SPMIP2: variants seen among roughly 807,000 people sequenced by gnomAD.
The protein encoded by SPMIP2 is sperm microtubule inner protein 2, also known as protein SPMIP2.
At chr4:158,918,877 A>T in the SPMIP2 span, among the ~76,000 whole-genome samples, 88 of 152,354 alleles carry the variant, frequency 5.8e-4, no homozygotes, top group African/African-American at 1.9e-3. Context: ...CACACACAAA[A>T]TAGCAGCAAA....
chr4:158,954,763 G>T, the SPMIP2 span, among the ~76,000 whole-genome samples: 1 of 152,188 alleles, frequency 6.6e-6, no homozygotes, highest in African/African-American at 2.4e-5. Context: ...TCTGAAGTTA[G>T]CCTTCATATT....
chr4:159,014,219 C>A, the SPMIP2 span, among the ~76,000 whole-genome samples: 1 of 152,124 alleles, frequency 6.6e-6, no homozygotes, highest in African/African-American at 2.4e-5. Flanking sequence ...CTTTGGGAGG[C>A]CGAAGTGGGC....
chr4:158,991,741 G>T, the SPMIP2 span, among the ~76,000 whole-genome samples: 1 of 152,144 alleles, frequency 6.6e-6, no homozygotes, highest in Non-Finnish European at 1.5e-5. Context: ...GACAGGTGTT[G>T]AGGTCTCATT....
At chr4:159,069,555 C>G in the SPMIP2 span, among the ~76,000 whole-genome samples, 1 of 151,272 alleles carries the variant, frequency 6.6e-6, no homozygotes, top group African/African-American at 2.4e-5. Flanking sequence ...CTACCTCAGC[C>G]TCCCAAATAT....
chr4:158,963,689 A>T, the SPMIP2 span, among the ~76,000 whole-genome samples: 2 of 152,048 alleles, frequency 1.3e-5, no homozygotes, highest in South Asian at 4.1e-4. Context: ...CTGTGAAGGG[A>T]TTTTGCAGAT....
the SPMIP2 span, among the ~76,000 whole-genome samples, chr4:159,014,955 A>G: frequency 6.6e-6 from 1 of 152,238 alleles, no homozygotes; most frequent in Non-Finnish European, 1.5e-5. Flanking sequence ...GTACCTTTCC[A>G]TAACTCTTAA....
chr4:158,953,009 G>A, the SPMIP2 span, among the ~76,000 whole-genome samples: 5 of 152,132 alleles, frequency 3.3e-5, no homozygotes, highest in Non-Finnish European at 7.4e-5. Context: ...GAGCATAAAA[G>A]TTCAGAAAAT....
At chr4:158,965,484 C>T in the SPMIP2 span, among the ~76,000 whole-genome samples, 1 of 152,046 alleles carries the variant, frequency 6.6e-6, no homozygotes, top group Non-Finnish European at 1.5e-5. Context: ...GCCTATTTTG[C>T]AACTGTACTC....
the SPMIP2 span, among the ~76,000 whole-genome samples, chr4:159,021,624 A>G: frequency 6.6e-6 from 1 of 152,182 alleles, no homozygotes; most frequent in Non-Finnish European, 1.5e-5. Context: ...AATCAATACA[A>G]TGTTATAGGA....
the SPMIP2 span, among the ~76,000 whole-genome samples, chr4:159,063,256 T>C: frequency 6.6e-6 from 1 of 152,152 alleles, no homozygotes; most frequent in Admixed American, 6.5e-5. Flanking sequence ...CTCACTGTGT[T>C]CTAAAAACAA....
At chr4:159,061,891 G>A in the SPMIP2 span, among the ~76,000 whole-genome samples, 13 of 152,160 alleles carry the variant, frequency 8.5e-5, no homozygotes, top group South Asian at 2.1e-4. Context: ...GGAAAACTGC[G>A]AATGTCTTAT....
the SPMIP2 span, among the ~76,000 whole-genome samples, chr4:158,930,232 G>A: frequency 4.9e-5 from 1 of 20,218 alleles, no homozygotes; most frequent in African/African-American, 2.9e-4. Flanking sequence ...GCTCTGAGTT[G>A]AAAGAGTCTT....
the SPMIP2 span, among the ~76,000 whole-genome samples, chr4:158,959,025 A>G: frequency 6.6e-6 from 1 of 152,228 alleles, no homozygotes; most frequent in Non-Finnish European, 1.5e-5. Flanking sequence ...AATCTCCTAA[A>G]TACAAGGTCT....
chr4:158,897,483 C>T, the SPMIP2 span, among the ~76,000 whole-genome samples: 1 of 152,198 alleles, frequency 6.6e-6, no homozygotes, highest in African/African-American at 2.4e-5. Flanking sequence ...TCCTATTTCT[C>T]CACATCCTCT....
the SPMIP2 span, among the ~76,000 whole-genome samples, chr4:159,065,341 GA>G: frequency 6.6e-6 from 1 of 152,168 alleles, no homozygotes; most frequent in African/African-American, 2.4e-5. Flanking sequence ...ATACCATAAG[GA>G]AGAGTACCTT....
At chr4:158,960,327 T>C in the SPMIP2 span, 393,994 of 1,545,056 alleles carry the variant, frequency 0.26, 52,771 homozygotes, top group Non-Finnish European at 0.27. Flanking sequence ...CAAGAGAAGC[T>C]TGACTTAGTT....
At chr4:159,009,964 A>T in the SPMIP2 span, among the ~76,000 whole-genome samples, 1 of 152,180 alleles carries the variant, frequency 6.6e-6, no homozygotes, top group Admixed American at 6.5e-5. Flanking sequence ...ATTGTGCTCC[A>T]GCCTGGATGA....
chr4:158,982,761 G>C, the SPMIP2 span, among the ~76,000 whole-genome samples: 6 of 152,198 alleles, frequency 3.9e-5, no homozygotes, highest in African/African-American at 7.2e-5. Context: ...ATGTCCACAG[G>C]AGAAAGCAGG....
the SPMIP2 span, among the ~76,000 whole-genome samples, chr4:158,912,393 T>C: frequency 6.6e-6 from 1 of 152,208 alleles, no homozygotes. Context: ...TCTATTTTGA[T>C]GGGAAAGTTT....
Sources: allele counts gnomAD v4.1 joint callset (sites outside exome capture counted in the v4.1 genomes callset), GRCh38; gene constraint gnomAD v4.1.1; transcripts MANE v1.5; gene names NCBI Gene and HGNC (gene_info 2026-07-23, HGNC 2026-07-21).